Variants in AVL9 observed in about 807,000 individuals in gnomAD.
The protein encoded by AVL9 is AVL9 cell migration associated.
A neutral mutation model predicts 79.2 loss-of-function variants in AVL9; 49 were observed. The ratio of observed to expected loss-of-function variants is 0.62; its 90% CI spans 0.49 to 0.79. The LOEUF (loss-of-function observed/expected upper bound fraction) is 0.79, where lower values mean the gene tolerates loss of function less well. AVL9 is among the 30% of genes least tolerant of loss of function. The pLI, the probability that AVL9 is intolerant of heterozygous loss-of-function variation, is 0.00. For missense variants in AVL9, 682 were observed against 776.8 expected (o/e 0.88, Z 1.45); for synonymous variants, 299 against 280.6 (o/e 1.07, Z -0.65).
intron 1 of AVL9, chr7:32,537,799 T>G (rs1788984725): frequency 6.6e-6 from 1 of 152,170 alleles, no homozygotes; most frequent in South Asian, 2.1e-4. Flanking sequence ...TGAACTTGAT[T>G]AGCAATTTCA....
rs142823827 is a variant in AVL9 at position 32,583,991 on chromosome 7, G to C, written c.*84G>C. On this transcript the variant is annotated 3_prime_UTR_variant, in exon 16 of 16. Coordinates refer to ENST00000318709, the MANE Select transcript of AVL9 (RefSeq NM_015060.3). ...TGCTCCCAGGCTGTTACTAGCCACA[G>C]ATCCACAGCAGGGGACCATATGTCG... 2.1e-6 allele frequency: 2 copies of C among 940,392 alleles called. No homozygotes were observed. Among genetic ancestry groups the C allele is most frequent in the African/African-American group, 3.3e-5 (2 of 61,378 alleles). 58.3% of individuals were successfully genotyped at this position (940,392 alleles called of 1,614,324 possible). A position where few individuals can be genotyped will look rare whatever the true frequency, so the allele number is the denominator to read the frequency against.
intron 13 of AVL9, among the ~76,000 whole-genome samples, chr7:32,578,026 C>T (rs991802618): frequency 4.6e-5 from 7 of 152,150 alleles, no homozygotes; most frequent in Admixed American, 2.6e-4. Context: ...GTACCCAACC[C>T]GCCAACAGGG....
chr7:32,584,772 T>C lies in AVL9; in HGVS notation c.*865T>C, dbSNP rs1053980176. 2.0e-4 allele frequency: 2 copies of C among 10,008 alleles called. No homozygotes were observed. The highest frequency in any genetic ancestry group is 4.3e-4 in the Non-Finnish European group (2 of 4,646). 0.6% of individuals were successfully genotyped at this position (10,008 alleles called of 1,614,324 possible). ...TTGTGCCATCTGTTTCTCTTTTTTT[T>C]TTTGGGGGGGGGGGGGGGGCGGGGT... On this transcript the variant is annotated 3_prime_UTR_variant, in exon 16 of 16. Transcript: ENST00000318709.
In AVL9 at chr7:32,586,958, GTC is replaced by G. The variant is rs375205283; in HGVS notation, c.*3056_*3057del. The G allele has an allele frequency of 1.4e-4, 21 of 152,240 alleles. No homozygotes were observed. Among genetic ancestry groups the G allele is most frequent in the African/African-American group, 5.1e-4 (21 of 41,450 alleles). The allele number at this position is 152,240 out of a possible 1,614,324, so 9.4% of individuals were successfully genotyped here. On this transcript the variant is annotated 3_prime_UTR_variant, in exon 16 of 16. Transcript: ENST00000318709. ...TTGGCTCACATAACCAGCATGAACA[GTC>G]TCTCCCCAAATCCATTAGTGATTCA...
chr7:32,560,389 C>G (rs1046547044), intron 10 of AVL9, among the ~76,000 whole-genome samples: 10 of 149,816 alleles, frequency 6.7e-5, no homozygotes, highest in African/African-American at 2.5e-4. Context: ...GTTGTCATTT[C>G]AACAACATTC....
intron 10 of AVL9, among the ~76,000 whole-genome samples, chr7:32,561,355 CA>C (rs2128143013): frequency 6.6e-6 from 1 of 152,362 alleles, no homozygotes; most frequent in East Asian, 1.9e-4. Flanking sequence ...TAACTTGCTA[CA>C]GCTTCTTCAT....
At chr7:32,523,164 A>T (rs1769937713) in intron 1 of AVL9, among the ~76,000 whole-genome samples, 1 of 151,698 alleles carries the variant, frequency 6.6e-6, no homozygotes, top group Admixed American at 6.6e-5. Flanking sequence ...AAAAAAAAAA[A>T]AAAAAAAAGG....
At position 32,583,793 on chromosome 7, in the gene AVL9, C is replaced by T. The variant is rs1331443907; in HGVS notation, c.1833C>T (p.Gly611=). 8.1e-6 allele frequency: 13 copies of T among 1,608,908 alleles called. No individual in the cohort carries two copies. Among genetic ancestry groups the T allele is most frequent in the African/African-American group, 1.3e-5 (1 of 74,894 alleles). The stretch of plus-strand genomic sequence containing the variant: ...TTTGTTTTTCTCCTCTCCATCCAGG[C>T]CAGTCAGTTGGAGGAGCTTTTTCCA... ...RNVVQTGKAV[G]QSVGGAFSSA... Residue 611 remains glycine (G), a splice_region_variant and synonymous_variant, in exon 16 of 16, where the codon GGC becomes GGT. Transcript: ENST00000318709.
Position 32,496,197 on chromosome 7 carries a change from C to T in AVL9, c.93+395C>T, listed in dbSNP as rs143019929. 1.8e-3 allele frequency among the ~76,000 whole-genome samples: 275 copies of T among 152,322 alleles called. 1 individual carries two copies. The highest frequency in any genetic ancestry group is 6.3e-3 in the African/African-American group (262 of 41,568). On this transcript the variant is annotated intron_variant, in intron 1 of 15. Coordinates refer to ENST00000318709, the MANE Select transcript of AVL9 (RefSeq NM_015060.3). ...AGTCTAGAAAAATTCAGTGCTTGGACTCTGCTTTCAAGGTAATAGGCTCAG... is the reference window on the plus strand; with the variant it reads ...AGTCTAGAAAAATTCAGTGCTTGGATTCTGCTTTCAAGGTAATAGGCTCAG...
chr7:32,522,824 T>C (rs893607054), intron 1 of AVL9, among the ~76,000 whole-genome samples: 3 of 152,052 alleles, frequency 2.0e-5, no homozygotes, highest in African/African-American at 7.2e-5. Flanking sequence ...GGGGAGGTAA[T>C]TGAATCATGG....
At chr7:32,538,238 T>G (rs868193874) in intron 1 of AVL9, 1 of 152,222 alleles carries the variant, frequency 6.6e-6, no homozygotes, top group African/African-American at 2.4e-5. Flanking sequence ...AGAAGATAGA[T>G]TTCTACACCT....
chr7:32,537,785 G>A (rs1311874995), intron 1 of AVL9: 1 of 152,164 alleles, frequency 6.6e-6, no homozygotes, highest in Non-Finnish European at 1.5e-5. Flanking sequence ...TTAATAAACA[G>A]TTTTGAACTT....
chr7:32,559,338 C>A lies in AVL9; in HGVS notation c.1089C>A (p.Val363=), dbSNP rs761798125. The A allele has an allele frequency of 2.0e-5, 32 of 1,614,144 alleles. No homozygotes were observed. The highest frequency in any genetic ancestry group is 2.5e-5 in the Non-Finnish European group (30 of 1,180,032). The change falls in exon 10 of 16, where the codon GTC becomes GTA. Residue 363 remains valine, a synonymous_variant. Coordinates refer to ENST00000318709, the MANE Select transcript of AVL9 (RefSeq NM_015060.3). The stretch of plus-strand genomic sequence containing the variant: ...CAAATTTGTTTCCAAAGGACTCTGT[C>A]CCCTCAGAGAGTCTTCCAATTACTG... ...DQTNLFPKDS[V]PSESLPITVQ...
chr7:32,497,957 A>G (rs1173700352), intron 1 of AVL9, among the ~76,000 whole-genome samples: 1 of 152,250 alleles, frequency 6.6e-6, no homozygotes, highest in Non-Finnish European at 1.5e-5. Flanking sequence ...AGTCATGACC[A>G]TTAGTTCTAA....
chr7:32,506,410 C>T (rs942199279), intron 1 of AVL9, among the ~76,000 whole-genome samples: 2 of 152,100 alleles, frequency 1.3e-5, no homozygotes, highest in African/African-American at 4.8e-5. Flanking sequence ...GATGGCTGTT[C>T]AGTGACTAAT....
At chr7:32,522,277 G>A (rs1042797110) in intron 1 of AVL9, among the ~76,000 whole-genome samples, 56 of 152,104 alleles carry the variant, frequency 3.7e-4, no homozygotes, top group African/African-American at 1.3e-3. Flanking sequence ...GACACTCAAC[G>A]CCAGCCCATG....
intron 1 of AVL9, among the ~76,000 whole-genome samples, chr7:32,541,197 G>A (rs1352061147): frequency 2.6e-5 from 4 of 152,018 alleles, no homozygotes; most frequent in Admixed American, 6.6e-5. Context: ...CACCGCGCCC[G>A]GCCTGTACTA....
chr7:32,536,945 C>T (rs923979614), intron 1 of AVL9: 4 of 152,230 alleles, frequency 2.6e-5, no homozygotes, highest in African/African-American at 9.7e-5. Context: ...ATGCTGCCCT[C>T]CCAGCACTTT....
intron 1 of AVL9, chr7:32,539,322 CTA>C (rs2128132387): frequency 6.6e-6 from 1 of 152,222 alleles, no homozygotes; most frequent in East Asian, 1.9e-4. Context: ...TGTTACTTTC[CTA>C]TGTTACTATT....
Sources: allele counts gnomAD v4.1 joint callset (sites outside exome capture counted in the v4.1 genomes callset), GRCh38; gene constraint gnomAD v4.1.1; transcripts MANE v1.5; gene names NCBI Gene and HGNC (gene_info 2026-07-23, HGNC 2026-07-21).